IL1RAPL1: variants seen among roughly 807,000 people sequenced by gnomAD.
The protein encoded by IL1RAPL1 is interleukin-1 receptor accessory protein-like 1.
IL1RAPL1 carries 3 observed loss-of-function variants against 48.4 expected under a neutral mutation model. The observed-to-expected ratio is 0.06, with a 90% CI of 0.03 to 0.16. The LOEUF is 0.16. Among genes scored for constraint, IL1RAPL1 ranks in the 10% least tolerant of loss-of-function variants. The probability of loss-of-function intolerance (pLI) is 1.00; values close to 1 mark genes in which losing one functional copy is unlikely to be tolerated. For missense variants in IL1RAPL1, 349 were observed against 530.6 expected (o/e 0.66, Z 3.36); for synonymous variants, 185 against 187.7 (o/e 0.99, Z 0.12).
intron 6 of IL1RAPL1, among the ~76,000 whole-genome samples, chrX:29,886,547 T>C (rs1479622708): frequency 8.9e-6 from 1 of 112,400 alleles, no homozygotes; most frequent in Non-Finnish European, 1.9e-5. Flanking sequence ...TCATTCAGAA[T>C]TTCATATTAG....
At chrX:29,602,703 T>G (rs1277149356) in intron 5 of IL1RAPL1, among the ~76,000 whole-genome samples, 1 of 112,708 alleles carries the variant, frequency 8.9e-6, no homozygotes, top group Non-Finnish European at 1.9e-5. Flanking sequence ...TTCTTTAATA[T>G]TTCCCAGGCT....
chrX:29,696,919 A>G (rs971150772), intron 6 of IL1RAPL1, among the ~76,000 whole-genome samples: 1 of 111,470 alleles, frequency 9.0e-6, no homozygotes, highest in African/African-American at 3.3e-5. Context: ...CCTCAAAAAC[A>G]TAAAATGGAA....
rs767050618 is a variant in IL1RAPL1 at position 29,084,031 on chromosome X, G to A, written c.83-198907G>A. ...AAAGGGAGCCTTCTTCAAAGGGATG[G>A]GCGCATCACTGAGATAATCCCTGGC... On this transcript the variant is annotated intron_variant, in intron 2 of 10. Coordinates refer to ENST00000378993, the MANE Select transcript of IL1RAPL1 (RefSeq NM_014271.4). Among the ~76,000 whole-genome samples the A allele has an allele frequency of 1.9e-4, 21 of 111,154 alleles. No individual in the cohort carries two copies. In the South Asian group the frequency reaches 8.0e-3, roughly 42 times the overall value.
At chrX:29,930,622 C>T (rs1026389111) in intron 8 of IL1RAPL1, among the ~76,000 whole-genome samples, 7 of 111,618 alleles carry the variant, frequency 6.3e-5, no homozygotes, top group African/African-American at 1.9e-4. Context: ...TTACTAAAAG[C>T]ATGTTTTATA....
At chrX:29,691,226 A>T (rs1926762646) in intron 6 of IL1RAPL1, among the ~76,000 whole-genome samples, 2 of 111,648 alleles carry the variant, frequency 1.8e-5, no homozygotes, top group African/African-American at 6.5e-5. Flanking sequence ...CAGCTCATTT[A>T]AGTGCATTTC....
chrX:29,060,334 G>T (rs747013886), intron 2 of IL1RAPL1, among the ~76,000 whole-genome samples: 6 of 111,445 alleles, frequency 5.4e-5, no homozygotes, highest in African/African-American at 2.0e-4. Context: ...CCACAATTCC[G>T]TAAGTTGTCT....
chrX:29,579,801 A>T (rs1222200547), intron 5 of IL1RAPL1, among the ~76,000 whole-genome samples: 1 of 112,038 alleles, frequency 8.9e-6, no homozygotes, highest in East Asian at 2.8e-4. Context: ...TCAGACCAAG[A>T]TTTGTGTAGC....
chrX:29,738,951 A>G (rs1478767403), intron 6 of IL1RAPL1, among the ~76,000 whole-genome samples: 1 of 112,439 alleles, frequency 8.9e-6, no homozygotes, highest in East Asian at 2.8e-4. Flanking sequence ...AATGTTTTGG[A>G]TTGCACCACA....
intron 2 of IL1RAPL1, among the ~76,000 whole-genome samples, chrX:28,831,308 A>G (rs906212426): frequency 1.1e-4 from 11 of 103,268 alleles, no homozygotes; most frequent in African/African-American, 3.2e-4. Flanking sequence ...TTTTTTGTCT[A>G]TCTTCTTGTT....
chrX:29,162,452 C>A (rs1929704935), intron 2 of IL1RAPL1, among the ~76,000 whole-genome samples: 1 of 110,703 alleles, frequency 9.0e-6, no homozygotes, highest in South Asian at 3.8e-4. Flanking sequence ...AGGCAGTGAT[C>A]TGTAAGTATT....
chrX:29,576,309 A>G lies in IL1RAPL1; in HGVS notation c.704-92121A>G, dbSNP rs1002260447. 6.3e-5 allele frequency among the ~76,000 whole-genome samples: 7 copies of G among 111,928 alleles called. No individual in the cohort carries two copies. In the Admixed American group the frequency reaches 6.6e-4, roughly 11 times the overall value. On this transcript the variant is annotated intron_variant, in intron 5 of 10. Transcript: ENST00000378993. ...CAAGATGCTCATTAGTTTATTTTCT[A>G]TTTTAGCCCTTGACCTTATAATTCT... is the stretch of plus-strand genomic sequence containing the variant.
chrX:29,289,486 G>GA (rs1483306343), intron 3 of IL1RAPL1, among the ~76,000 whole-genome samples: 1 of 112,083 alleles, frequency 8.9e-6, no homozygotes, highest in South Asian at 3.7e-4. Context: ...ATATGGTGGT[G>GA]AAAATATCAA....
At chrX:29,837,275 ATAT>A (rs1569182672) in intron 6 of IL1RAPL1, among the ~76,000 whole-genome samples, 27 of 44,975 alleles carry the variant, frequency 6.0e-4, no homozygotes, top group African/African-American at 1.7e-3. Flanking sequence ...AAAAAAAAAT[ATAT>A]ATATATATAT....
chrX:28,995,426 G>GT (rs373227517), intron 2 of IL1RAPL1, among the ~76,000 whole-genome samples: 2,342 of 110,973 alleles, frequency 0.021, 70 homozygotes, highest in African/African-American at 0.073. Context: ...ATACTTAAAA[G>GT]ACCCATATAT....
At chrX:29,677,668 A>G (rs1188112022) in intron 6 of IL1RAPL1, among the ~76,000 whole-genome samples, 1 of 111,543 alleles carries the variant, frequency 9.0e-6, no homozygotes, top group Non-Finnish European at 1.9e-5. Flanking sequence ...TCATCCACCC[A>G]TTACCATGTG....
rs761508054 is a variant in IL1RAPL1 at position 29,526,625 on chromosome X, A to G, written c.703+127317A>G. Among the ~76,000 whole-genome samples the G allele has an allele frequency of 3.6e-5, 4 of 112,247 alleles. No individual in the cohort carries two copies. The South Asian group carries it at 1.5e-3, about 41-fold the overall frequency. On this transcript the variant is annotated intron_variant, in intron 5 of 10. Coordinates refer to ENST00000378993, the MANE Select transcript of IL1RAPL1 (RefSeq NM_014271.4). ...CCATATGCAAAATTAATAATGTTAAAATAGTTGGAGATTAGTTAGAATAAA... is the reference window on the plus strand; with the variant it reads ...CCATATGCAAAATTAATAATGTTAAGATAGTTGGAGATTAGTTAGAATAAA...
At chrX:29,344,011 T>C (rs762816691) in intron 3 of IL1RAPL1, among the ~76,000 whole-genome samples, 1 of 112,368 alleles carries the variant, frequency 8.9e-6, no homozygotes, top group Non-Finnish European at 1.9e-5. Context: ...AAAATTGACA[T>C]TTATCAGCAC....
chrX:29,638,035 A>C (rs909728020), intron 5 of IL1RAPL1, among the ~76,000 whole-genome samples: 1 of 112,014 alleles, frequency 8.9e-6, no homozygotes, highest in African/African-American at 3.2e-5. Context: ...ACATGGTCCT[A>C]GCATATTGGA....
At chrX:29,785,033 C>A (rs1175026313) in intron 6 of IL1RAPL1, among the ~76,000 whole-genome samples, 1 of 112,132 alleles carries the variant, frequency 8.9e-6, no homozygotes, top group Non-Finnish European at 1.9e-5. Flanking sequence ...TAAGTTCCTG[C>A]ATTAAAATGC....
Sources: gnomAD v4.1 joint callset for allele counts (sites outside exome capture counted in the v4.1 genomes callset) on GRCh38, gnomAD v4.1.1 for gene constraint, MANE v1.5 for transcripts, NCBI Gene and HGNC (gene_info 2026-07-23, HGNC 2026-07-21) for gene names.